Variants in GNG7 observed in about 807,000 individuals in gnomAD.
GNG7 encodes the protein G protein subunit gamma 7.
In GNG7, 1 loss-of-function variant was observed where a neutral mutation model predicts 4.0. The ratio of observed to expected loss-of-function variants is 0.25; its 90% confidence interval spans 0.09 to 1.18. The LOEUF is 1.18. Among genes scored for constraint, GNG7 ranks in the 50% most tolerant of loss-of-function variants. The pLI is 0.50. For missense variants in GNG7, 86 were observed against 91.9 expected, an observed-to-expected ratio of 0.94 and a Z score of 0.26; for synonymous variants, 34 against 36.9, an observed-to-expected ratio of 0.92 and a Z score of 0.29.
intron 1 of GNG7, among the ~76,000 whole-genome samples, chr19:2,665,369 G>T (rs1005732834): frequency 6.6e-6 from 1 of 151,976 alleles, no homozygotes; most frequent in African/African-American, 2.4e-5. Flanking sequence ...CCTGGGGGGG[G>T]GGGGGCAGGA....
At chr19:2,670,983 C>T (rs1324475004) in intron 1 of GNG7, among the ~76,000 whole-genome samples, 3 of 152,126 alleles carry the variant, frequency 2.0e-5, no homozygotes, top group Non-Finnish European at 4.4e-5. Flanking sequence ...ATCCCAGGAG[C>T]TGGGGGTCCC....
chr19:2,606,002 C>A (rs970733142), intron 2 of GNG7, among the ~76,000 whole-genome samples: 4 of 152,192 alleles, frequency 2.6e-5, no homozygotes, highest in Non-Finnish European at 5.9e-5. Flanking sequence ...CATACAAAGT[C>A]TCTTTTCAGG....
Position 2,579,605 on chromosome 19 carries a change from G to A in GNG7, c.-77-24417C>T, listed in dbSNP as rs1980444359. ...AGGGCGAGGGGACGGCCGCCGCTGG[G>A]CAGCAGCTCCGCCTGCTGGTCACCT... is the stretch of plus-strand genomic sequence containing the variant. On this transcript the variant is annotated intron_variant, in intron 2 of 4. Transcript: ENST00000382159. 2.6e-5 allele frequency among the ~76,000 whole-genome samples: 4 copies of A among 152,328 alleles called. No individual in the cohort carries two copies. The South Asian group carries it at 8.3e-4, about 32-fold the overall frequency.
At chr19:2,675,133 G>A (rs1209758504) in intron 1 of GNG7, among the ~76,000 whole-genome samples, 2 of 152,178 alleles carry the variant, frequency 1.3e-5, no homozygotes, top group Non-Finnish European at 2.9e-5. Context: ...ATCCGCAACG[G>A]CGCCAAGCAC....
intron 1 of GNG7, among the ~76,000 whole-genome samples, chr19:2,669,518 C>T (rs1983396680): frequency 6.6e-6 from 1 of 151,872 alleles, no homozygotes; most frequent in African/African-American, 2.4e-5. Flanking sequence ...CAAACACAAA[C>T]AAACAAAAAA....
intron 1 of GNG7, among the ~76,000 whole-genome samples, chr19:2,688,891 C>T: frequency 6.6e-6 from 1 of 151,738 alleles, no homozygotes; most frequent in Non-Finnish European, 1.5e-5. Context: ...AATAGCGAGA[C>T]CTCATCTCTA....
chr19:2,644,462 T>G (rs1282149264), intron 2 of GNG7, among the ~76,000 whole-genome samples: 1 of 44,188 alleles, frequency 2.3e-5, no homozygotes, highest in Non-Finnish European at 5.9e-5. Flanking sequence ...TGCATAATTC[T>G]TTCTGAGTAT....
rs992615598 is a variant in GNG7, at chr19:2,512,900, G to A, written c.*2122C>T. 16 of 985,054 alleles carry A rather than the reference G, an allele frequency of 1.6e-5. No individual in the cohort carries two copies. The East Asian group carries it at 1.4e-3, about 84-fold the overall frequency. 61.0% of individuals were successfully genotyped at this position (985,054 alleles called of 1,614,324 possible). Reference sequence around the variant, plus strand: ...CCTGCCATTCCTGCTATGCGTGGTGGGGACGCCCACACCCCAAACCCTGCC... The same window carrying A: ...CCTGCCATTCCTGCTATGCGTGGTGAGGACGCCCACACCCCAAACCCTGCC... On this transcript the variant is annotated 3_prime_UTR_variant, in exon 5 of 5. Transcript: ENST00000382159. This position sits in a 1 kb window ranked among gnomAD's most constrained non-coding sequence, Gnocchi z 4.7.
chr19:2,520,220 G>A (rs1400847864), intron 4 of GNG7, among the ~76,000 whole-genome samples: 1 of 100,492 alleles, frequency 1.0e-5, no homozygotes, highest in Non-Finnish European at 2.3e-5. Flanking sequence ...CAACACAGAA[G>A]TGAAAAGTAG....
chr19:2,558,247 T>G (rs1568242902), intron 2 of GNG7, among the ~76,000 whole-genome samples: 3 of 44,902 alleles, frequency 6.7e-5, no homozygotes, highest in Non-Finnish European at 1.3e-4. Context: ...TGTTTTTGTT[T>G]TTGTTTTTTT....
intron 1 of GNG7, among the ~76,000 whole-genome samples, chr19:2,652,211 T>C (rs908467782): frequency 3.3e-5 from 5 of 151,616 alleles, no homozygotes; most frequent in African/African-American, 7.3e-5. Flanking sequence ...TGCCATAAAA[T>C]TCCCCCTTGT....
chr19:2,649,847 GC>G (rs1193197197), intron 1 of GNG7, among the ~76,000 whole-genome samples: 1 of 152,050 alleles, frequency 6.6e-6, no homozygotes, highest in Non-Finnish European at 1.5e-5. Context: ...CTACAAAGAA[GC>G]CCCCTCGCCA....
At chr19:2,678,904 G>A (rs8101257) in intron 1 of GNG7, among the ~76,000 whole-genome samples, 22 of 151,882 alleles carry the variant, frequency 1.4e-4, no homozygotes, top group Non-Finnish European at 3.1e-4. Flanking sequence ...CGGTCCCTCC[G>A]ATTTCCAGAC....
intron 1 of GNG7, among the ~76,000 whole-genome samples, chr19:2,652,742 T>C (rs77718413): frequency 0.039 from 5,974 of 151,990 alleles, 210 homozygotes; most frequent in African/African-American, 0.09. Context: ...TTCAGCTGTG[T>C]TGGAAACACT....
At chr19:2,660,015 C>A (rs141468219) in intron 1 of GNG7, among the ~76,000 whole-genome samples, 1 of 152,132 alleles carries the variant, frequency 6.6e-6, no homozygotes, top group Non-Finnish European at 1.5e-5. Context: ...CTGGATTAAC[C>A]CACACCAGAG....
In GNG7 at chr19:2,513,023, C is replaced by T. The variant is rs537756931; in HGVS notation, c.*1999G>A. The T allele has an allele frequency of 3.9e-4, 387 of 985,482 alleles. 6 individuals are homozygous for T. The South Asian group carries it at 0.015, about 38-fold the overall frequency. 61.0% of individuals were successfully genotyped at this position (985,482 alleles called of 1,614,324 possible). On this transcript the variant is annotated 3_prime_UTR_variant, in exon 5 of 5. Coordinates refer to ENST00000382159, the MANE Select transcript of GNG7 (RefSeq NM_052847.3). ...TGGCGGGTAGGGCTCCCCGAAGCCCCAGCCCTCCCGGACCTGCCGTAGAGA... is the reference window on the plus strand; with the variant it reads ...TGGCGGGTAGGGCTCCCCGAAGCCCTAGCCCTCCCGGACCTGCCGTAGAGA...
At chr19:2,568,656 T>A (rs62646525) in intron 2 of GNG7, among the ~76,000 whole-genome samples, 61,837 of 148,984 alleles carry the variant, frequency 0.42, 12,773 homozygotes, top group Admixed American at 0.54. Flanking sequence ...CAAATACACA[T>A]ATACACATAC....
In GNG7 at chr19:2,596,770, T is replaced by G. The variant is rs144566164; in HGVS notation, c.-77-41582A>C. Among the ~76,000 whole-genome samples the G allele has an allele frequency of 3.7e-3, 559 of 152,210 alleles. 4 individuals carry two copies. Among genetic ancestry groups the G allele is most frequent in the African/African-American group, 0.013 (530 of 41,536 alleles). The stretch of plus-strand genomic sequence containing the variant: ...TCCACCCCACACTGTTAACAGTGGT[T>G]AATTCTGGGGAGTGAGATTTGTGAT... On this transcript the variant is annotated intron_variant, in intron 2 of 4. Transcript: ENST00000382159.
At chr19:2,687,021 G>C (rs1433750211) in intron 1 of GNG7, among the ~76,000 whole-genome samples, 1 of 150,746 alleles carries the variant, frequency 6.6e-6, no homozygotes, top group African/African-American at 2.4e-5. Context: ...CAAAGTGCTG[G>C]GATTACAGGC....
Sources: allele counts gnomAD v4.1 joint callset (sites outside exome capture counted in the v4.1 genomes callset), GRCh38; gene constraint gnomAD v4.1.1; non-coding constraint Gnocchi (gnomAD v3.1); transcripts MANE v1.5; gene names NCBI Gene and HGNC (gene_info 2026-07-23, HGNC 2026-07-21).